Variants in ELAVL2 observed in about 807,000 individuals in gnomAD.
ELAVL2 encodes the protein ELAV like RNA binding protein 2, also known as ELAV-like protein 2.
Under a neutral mutation model 34.6 loss-of-function variants are expected in ELAVL2, and 4 were observed. The ratio of observed to expected loss-of-function variants is 0.12; its 90% CI spans 0.06 to 0.26. ELAVL2 has a LOEUF of 0.26. Among genes scored for constraint, ELAVL2 ranks in the 10% least tolerant of loss-of-function variants. ELAVL2 has a pLI of 1.00. For missense variants in ELAVL2, 432 were observed against 442.8 expected (o/e 0.98, Z 0.22); for synonymous variants, 193 against 154.8 (o/e 1.25, Z -1.83).
chr9:23,752,015 A>G (rs147107964), intron 2 of ELAVL2, among the ~76,000 whole-genome samples: 2 of 152,294 alleles, frequency 1.3e-5, no homozygotes, highest in Non-Finnish European at 2.9e-5. Flanking sequence ...TGAGCTTTGC[A>G]TTCTTCCCAC....
At chr9:23,845,565 TA>T in the ELAVL2 span, among the ~76,000 whole-genome samples, 2 of 151,838 alleles carry the variant, frequency 1.3e-5, no homozygotes, top group African/African-American at 4.8e-5. Flanking sequence ...TCAAGCCTCA[TA>T]ATTCTCCCCT....
chr9:23,725,304 A>G (rs1040594141), intron 3 of ELAVL2, among the ~76,000 whole-genome samples: 1 of 151,638 alleles, frequency 6.6e-6, no homozygotes, highest in Non-Finnish European at 1.5e-5. Context: ...CATTTCCCAC[A>G]CTCGCCTCCC....
In ELAVL2 at chr9:23,692,425, A is replaced by C; in HGVS notation, c.*132T>G. 1 of 882,778 alleles carries C rather than the reference A, an allele frequency of 1.1e-6. No individual in the cohort carries two copies. The highest frequency in any genetic ancestry group is 1.7e-6 in the Non-Finnish European group (1 of 593,992). 54.7% of individuals were successfully genotyped at this position (882,778 alleles called of 1,614,324 possible). A position where few individuals can be genotyped will look rare whatever the true frequency, so the allele number is the denominator to read the frequency against. ...CAATAAAAAATCTCACATATTTCTTAGGATGCTAAGTAGTCATTTTATCCC... is the reference window on the plus strand; with the variant it reads ...CAATAAAAAATCTCACATATTTCTTCGGATGCTAAGTAGTCATTTTATCCC... On this transcript the variant is annotated 3_prime_UTR_variant, in exon 7 of 7. Transcript: ENST00000397312.
the ELAVL2 span, among the ~76,000 whole-genome samples, chr9:23,841,822 C>T: frequency 6.6e-6 from 1 of 152,082 alleles, no homozygotes; most frequent in African/African-American, 2.4e-5. Flanking sequence ...TTTCTATTGG[C>T]ATGAGAAACT....
chr9:23,723,860 T>C (rs773420508), intron 3 of ELAVL2, among the ~76,000 whole-genome samples: 4 of 152,070 alleles, frequency 2.6e-5, no homozygotes, highest in Non-Finnish European at 4.4e-5. Context: ...CCCCACCACA[T>C]GCCCCTTTCA....
chr9:23,746,475 A>C (rs1419525342), intron 2 of ELAVL2, among the ~76,000 whole-genome samples: 2 of 152,188 alleles, frequency 1.3e-5, no homozygotes, highest in Non-Finnish European at 2.9e-5. Context: ...TGGGAACCAG[A>C]CTTCAAGGAG....
chr9:23,747,719 T>C (rs1252561658), intron 2 of ELAVL2, among the ~76,000 whole-genome samples: 1 of 152,176 alleles, frequency 6.6e-6, no homozygotes, highest in Non-Finnish European at 1.5e-5. Flanking sequence ...TATTCACCTT[T>C]TTCATTATTT....
intron 2 of ELAVL2, among the ~76,000 whole-genome samples, chr9:23,747,667 GA>G (rs1486994140): frequency 2.6e-5 from 4 of 152,100 alleles, no homozygotes; most frequent in Non-Finnish European, 4.4e-5. Context: ...AGGCAGTGGG[GA>G]TAAGTCTACA....
chr9:23,810,447 A>G (rs925737796), intron 1 of ELAVL2, among the ~76,000 whole-genome samples: 1 of 152,168 alleles, frequency 6.6e-6, no homozygotes, highest in Non-Finnish European at 1.5e-5. Flanking sequence ...CAACAACCCC[A>G]CCACTGGGGA....
At chr9:23,765,187 T>G (rs1337564454) in intron 1 of ELAVL2, 1 of 1,233,174 alleles carries the variant, frequency 8.1e-7, no homozygotes, top group Non-Finnish European at 1.1e-6. Context: ...GTGATTGTAT[T>G]GATATTCCCA....
intron 1 of ELAVL2, among the ~76,000 whole-genome samples, chr9:23,771,770 T>C (rs2136324553): frequency 6.6e-6 from 1 of 152,330 alleles, no homozygotes; most frequent in East Asian, 1.9e-4. Flanking sequence ...AAGATTAGAT[T>C]AAGTCACATT....
At chr9:23,720,786 T>G (rs936674567) in intron 3 of ELAVL2, among the ~76,000 whole-genome samples, 2 of 152,190 alleles carry the variant, frequency 1.3e-5, no homozygotes, top group Admixed American at 1.3e-4. Context: ...TGCAAATCAT[T>G]AAGATCCACT....
At chr9:23,737,563 A>C (rs527412482) in intron 2 of ELAVL2, among the ~76,000 whole-genome samples, 1 of 152,314 alleles carries the variant, frequency 6.6e-6, no homozygotes, top group Admixed American at 6.5e-5. Flanking sequence ...TTTTGTTGAA[A>C]GTACTTTTTC....
At chr9:23,752,403 A>G (rs1588100932) in intron 2 of ELAVL2, among the ~76,000 whole-genome samples, 1 of 152,080 alleles carries the variant, frequency 6.6e-6, no homozygotes, top group Non-Finnish European at 1.5e-5. Context: ...TTGATCCCAA[A>G]CTAAGTAACA....
intron 1 of ELAVL2, among the ~76,000 whole-genome samples, chr9:23,766,025 C>T (rs969602907): frequency 6.6e-6 from 1 of 152,064 alleles, no homozygotes; most frequent in African/African-American, 2.4e-5. Context: ...TCAATATAAT[C>T]AGAAAACTTA....
chr9:23,808,951 T>G (rs946837394), intron 1 of ELAVL2, among the ~76,000 whole-genome samples: 1 of 152,150 alleles, frequency 6.6e-6, no homozygotes, highest in Non-Finnish European at 1.5e-5. Context: ...CTGGTAGTCT[T>G]CGCCAAATTT....
intron 1 of ELAVL2, among the ~76,000 whole-genome samples, chr9:23,810,885 ACC>A (rs2062886580): frequency 6.6e-6 from 1 of 152,198 alleles, no homozygotes; most frequent in Non-Finnish European, 1.5e-5. Context: ...GTGGTAGTTC[ACC>A]ATCTTCAATT....
At position 23,797,229 on chromosome 9, in the gene ELAVL2, T is replaced by C. The variant is rs945562445; in HGVS notation, c.-16+28577A>G. 3.3e-5 allele frequency among the ~76,000 whole-genome samples: 5 copies of C among 152,184 alleles called. No homozygotes were observed. In the East Asian group the frequency reaches 7.7e-4, roughly 23 times the overall value. On this transcript the variant is annotated intron_variant, in intron 1 of 6. Coordinates refer to ENST00000397312, the MANE Select transcript of ELAVL2 (RefSeq NM_004432.5). ...CTACTTAAGCCCAAAAGTGAACCTC[T>C]ATCCTCTGTTTAAAAGAAAAACACA...
At chr9:23,733,036 A>G (rs1021604589) in intron 2 of ELAVL2, among the ~76,000 whole-genome samples, 3 of 152,126 alleles carry the variant, frequency 2.0e-5, no homozygotes, top group Non-Finnish European at 2.9e-5. Flanking sequence ...CTGCTATTCT[A>G]TGACAAAATA....
Sources: gnomAD v4.1 joint callset for allele counts (sites outside exome capture counted in the v4.1 genomes callset) on GRCh38, gnomAD v4.1.1 for gene constraint, MANE v1.5 for transcripts, NCBI Gene and HGNC (gene_info 2026-07-23, HGNC 2026-07-21) for gene names.